The following MAP4K5 variants were observed in gnomAD, a reference collection of about 807,000 sequenced individuals.
The protein encoded by MAP4K5 is MAPK/ERK kinase kinase kinase 5.
A neutral mutation model predicts 135.6 loss-of-function variants in MAP4K5; 82 were observed. The observed-to-expected ratio is 0.60, with a 90% CI of 0.51 to 0.73. MAP4K5 has a LOEUF of 0.73. Ranked by LOEUF, MAP4K5 falls within the 30% of genes least tolerant of loss-of-function variation. The probability of loss-of-function intolerance (pLI) is 0.00; values close to 1 mark genes in which losing one functional copy is unlikely to be tolerated. For synonymous variants in MAP4K5, 347 were observed against 335.0 expected (o/e 1.04, Z -0.39); for missense variants, 907 against 1,010.9 (o/e 0.90, Z 1.39).
At chr14:50,488,966 T>C (rs1211162180) in intron 3 of MAP4K5, among the ~76,000 whole-genome samples, 2 of 152,244 alleles carry the variant, frequency 1.3e-5, no homozygotes, top group Non-Finnish European at 2.9e-5. Flanking sequence ...AAGCTAAATA[T>C]GGTTATCACA....
chr14:50,516,093 C>A (rs1404563962), intron 2 of MAP4K5, among the ~76,000 whole-genome samples: 1 of 152,238 alleles, frequency 6.6e-6, no homozygotes, highest in Non-Finnish European at 1.5e-5. Context: ...ATCAGCAAAT[C>A]CTGACAGCTT....
At chr14:50,469,487 G>T (rs752659292) in intron 9 of MAP4K5, among the ~76,000 whole-genome samples, 4 of 152,168 alleles carry the variant, frequency 2.6e-5, no homozygotes, top group Non-Finnish European at 5.9e-5. Flanking sequence ...TCATGAAAAT[G>T]ATGGGGACCC....
chr14:50,433,581 G>A (rs2036022850), intron 28 of MAP4K5, among the ~76,000 whole-genome samples: 1 of 152,160 alleles, frequency 6.6e-6, no homozygotes, highest in Non-Finnish European at 1.5e-5. Context: ...ATGAGTTCTT[G>A]TAACTTAGCC....
intron 14 of MAP4K5, among the ~76,000 whole-genome samples, chr14:50,451,185 T>C (rs1206481919): frequency 2.6e-5 from 4 of 151,886 alleles, no homozygotes; most frequent in Non-Finnish European, 1.5e-5. Context: ...CACTGAACAG[T>C]AGACTCAATA....
chr14:50,477,239 TTATTA>T (rs1450639178), intron 6 of MAP4K5, among the ~76,000 whole-genome samples: 1 of 152,214 alleles, frequency 6.6e-6, no homozygotes, highest in Non-Finnish European at 1.5e-5. Flanking sequence ...ATTCTTTATG[TTATTA>T]TATGTTGTAT....
intron 2 of MAP4K5, among the ~76,000 whole-genome samples, chr14:50,528,402 T>TAA (rs5808556): frequency 1.4e-3 from 155 of 107,030 alleles, no homozygotes; most frequent in Non-Finnish European, 2.0e-3. Flanking sequence ...ACCTAAGGTG[T>TAA]AAAAAAAAAA....
intron 18 of MAP4K5, among the ~76,000 whole-genome samples, chr14:50,444,560 G>A (rs999965518): frequency 6.6e-6 from 1 of 151,906 alleles, no homozygotes; most frequent in African/African-American, 2.4e-5. Context: ...ATTAGCCTGG[G>A]CAACACGGCG....
chr14:50,552,924 G>T (rs531773768), intron 1 of MAP4K5, among the ~76,000 whole-genome samples: 95 of 152,250 alleles, frequency 6.2e-4, no homozygotes, highest in Non-Finnish European at 1.1e-3. Context: ...GATAACATCA[G>T]AAAAACTCTT....
chr14:50,547,899 T>G (rs1305723173), intron 1 of MAP4K5, among the ~76,000 whole-genome samples: 1 of 152,230 alleles, frequency 6.6e-6, no homozygotes, highest in African/African-American at 2.4e-5. Flanking sequence ...AAAGGATACC[T>G]GCACAACCCC....
At chr14:50,523,933 G>A (rs2038205796) in intron 2 of MAP4K5, among the ~76,000 whole-genome samples, 1 of 152,154 alleles carries the variant, frequency 6.6e-6, no homozygotes, top group African/African-American at 2.4e-5. Flanking sequence ...GCTCGCAGTG[G>A]AACAACTAGG....
chr14:50,469,314 A>G (rs767638523), intron 9 of MAP4K5, among the ~76,000 whole-genome samples: 50 of 152,356 alleles, frequency 3.3e-4, no homozygotes, highest in Non-Finnish European at 3.4e-4. Context: ...ATGCTTGTCC[A>G]AATGCATAAA....
chr14:50,542,088 A>T (rs184040862), intron 2 of MAP4K5, among the ~76,000 whole-genome samples: 411 of 148,968 alleles, frequency 2.8e-3, no homozygotes, highest in Non-Finnish European at 4.9e-3. Flanking sequence ...GTCTGTTTGA[A>T]AGGCAACTCT....
intron 1 of MAP4K5, among the ~76,000 whole-genome samples, chr14:50,548,291 G>T (rs1235535768): frequency 6.6e-6 from 1 of 152,288 alleles, no homozygotes; most frequent in African/African-American, 2.4e-5. Context: ...TCAGCCCATT[G>T]TACACCCTAA....
At chr14:50,549,155 C>G (rs991814294) in intron 1 of MAP4K5, among the ~76,000 whole-genome samples, 8 of 152,138 alleles carry the variant, frequency 5.3e-5, no homozygotes, top group Non-Finnish European at 1.0e-4. Flanking sequence ...CCAGGCCAAC[C>G]ATTGTATATA....
chr14:50,450,742 T>C (rs1350858919), intron 14 of MAP4K5: 1 of 152,226 alleles, frequency 6.6e-6, no homozygotes, highest in Non-Finnish European at 1.5e-5. Flanking sequence ...GCTTTCTACC[T>C]GAGGAAAGAC....
chr14:50,435,699 A>G (rs564859351), intron 26 of MAP4K5, among the ~76,000 whole-genome samples: 1 of 152,158 alleles, frequency 6.6e-6, no homozygotes, highest in South Asian at 2.1e-4. Context: ...ACTAAAATGC[A>G]CCTCGTTTTG....
At chr14:50,462,806 C>T in intron 12 of MAP4K5, 25 bp from the exon 13 acceptor site, 1 of 1,311,426 alleles carries the variant, frequency 7.6e-7, no homozygotes, top group Non-Finnish European at 1.1e-6. Context: ...AATGAAATTT[C>T]ATGAGTATGC....
intron 28 of MAP4K5, among the ~76,000 whole-genome samples, chr14:50,433,705 T>C (rs1369156331): frequency 2.0e-5 from 3 of 152,146 alleles, no homozygotes; most frequent in Admixed American, 6.5e-5. Context: ...TGGTGAGTAA[T>C]GAAATAGCCA....
At chr14:50,512,854 C>G (rs1252106144) in intron 2 of MAP4K5, among the ~76,000 whole-genome samples, 1 of 152,130 alleles carries the variant, frequency 6.6e-6, no homozygotes, top group African/African-American at 2.4e-5. Flanking sequence ...ATGTGATACT[C>G]TCAATTCTTT....
Sources: allele counts gnomAD v4.1 joint callset (sites outside exome capture counted in the v4.1 genomes callset), GRCh38; gene constraint gnomAD v4.1.1; transcripts MANE v1.5; gene names NCBI Gene and HGNC (gene_info 2026-07-23, HGNC 2026-07-21).